The following MTMR11 variants were observed in gnomAD, a reference collection of about 807,000 sequenced individuals.
MTMR11 encodes the protein myotubularin-related protein 11.
In MTMR11, 89 loss-of-function variants were observed where a neutral mutation model predicts 100.0. The ratio of observed to expected loss-of-function variants is 0.89; its 90% CI spans 0.75 to 1.06. MTMR11 has a LOEUF of 1.06. Among genes scored for constraint, MTMR11 ranks in the 50% least tolerant of loss-of-function variants. The pLI is 0.00. For synonymous variants in MTMR11, 336 were observed against 326.3 expected, an observed-to-expected ratio of 1.03 and a Z score of -0.32; for missense variants, 809 against 873.7, an observed-to-expected ratio of 0.93 and a Z score of 0.93.
Position 149,930,530 on chromosome 1 carries a change from T to G in MTMR11, c.1482A>C (p.Gln494His), listed in dbSNP as rs587641808. 6.1e-5 allele frequency: 99 copies of G among 1,613,364 alleles called. No individual in the cohort carries two copies. In the East Asian group the frequency reaches 1.9e-3, roughly 32 times the overall value. Residue 494 changes from glutamine to histidine, a missense_variant, in exon 15 of 17, where the codon CAA (glutamine) becomes CAC (histidine). Transcript: ENST00000439741. ...GCTGGGAGTATCCTGGGGTGTAGAC[T>G]TGTGTATAGGAGTTTAACTGGACAG... ...KQSGQLNSYT[Q>H]VYTPGYSQPP... is the part of the protein sequence containing the mutation.
chr1:149,929,972 C>A, intron 15 of MTMR11, 56 bp from the exon 16 acceptor site: 1 of 1,546,014 alleles, frequency 6.5e-7, no homozygotes, highest in East Asian at 2.3e-5. Context: ...CCTAGTTTCC[C>A]CAATCTGGAT....
At chr1:149,931,220 T>C (rs782434910) in intron 13 of MTMR11, 40 bp downstream of exon 13, 8 of 1,611,434 alleles carry the variant, frequency 5.0e-6, no homozygotes, top group African/African-American at 4.0e-5. Flanking sequence ...TCTTACTTCC[T>C]TAGTAATATG....
chr1:149,932,453 C>G (rs1553767896), intron 10 of MTMR11, 123 bp from the exon 11 acceptor site: 3 of 758,738 alleles, frequency 4.0e-6, no homozygotes, highest in Non-Finnish European at 6.8e-6. Flanking sequence ...AGGATGGTTT[C>G]TAAAATTAAA....
rs782549851 is a variant in MTMR11, at chr1:149,934,477, T to C, written c.518A>G (p.Gln173Arg). The change falls in exon 6 of 17, where the codon CAG becomes CGG. Residue 173 changes from glutamine (Q) to arginine (R), a missense_variant. Transcript: ENST00000439741. ...CTTGCTCAGGGTTATCCCCGAATAC[T>C]GTTGGGCTTGATTGCTCTGAGCTCT... ...QARAQSNQAQQYSGITLSKAG... is the reference protein window; with the variant it reads ...QARAQSNQAQRYSGITLSKAG... 1 of 1,614,238 alleles carries C rather than the reference T, an allele frequency of 6.2e-7. No homozygotes were observed. Among genetic ancestry groups the C allele is most frequent in the Non-Finnish European group, 8.5e-7 (1 of 1,180,042 alleles).
At position 149,929,134 on chromosome 1, in the gene MTMR11, C is replaced by T. The variant is rs1243017101; in HGVS notation, c.2125G>A (p.Gly709Arg). 3 of 1,611,778 alleles carry T rather than the reference C, an allele frequency of 1.9e-6. No individual in the cohort carries two copies. The highest frequency in any genetic ancestry group is 2.7e-5 in the African/African-American group (2 of 74,800). Residue 709 changes from glycine (G) to arginine (R), a missense_variant, in exon 17 of 17, where the codon GGG (glycine) becomes AGG (arginine). Coordinates refer to ENST00000439741, the MANE Select transcript of MTMR11 (RefSeq NM_001145862.2). ...AGATTAGACAGAACCCTCCTCTACC[C>T]CAGATCCCCCTCTGCCCTGCCTTTG... is the stretch of plus-strand genomic sequence containing the variant. ...ILKGRAEGDLG is the reference protein window; with the variant it reads ...ILKGRAEGDLR
chr1:149,930,515 T>C lies in MTMR11; in HGVS notation c.1497A>G (p.Gly499=). 1 of 1,613,874 alleles carries C rather than the reference T, an allele frequency of 6.2e-7. No homozygotes were observed. The highest frequency in any genetic ancestry group is 8.5e-7 in the Non-Finnish European group (1 of 1,179,894). The change falls in exon 15 of 17, where the codon GGA becomes GGG. Residue 499 remains glycine (G), a synonymous_variant. Transcript: ENST00000439741. The part of the protein sequence containing the change: ...LNSYTQVYTP[G]YSQPPAGNSF... ...AGTTCCCAGCTGGAGGCTGGGAGTA[T>C]CCTGGGGTGTAGACTTGTGTATAGG...
intron 16 of MTMR11, 25 bp downstream of exon 16, chr1:149,929,598 C>T (rs1553766919): frequency 1.3e-6 from 2 of 1,594,894 alleles, no homozygotes; most frequent in South Asian, 1.1e-5. Flanking sequence ...CCTTGTCCCA[C>T]TCCCAGTCTA....
chr1:149,936,376 G>T, intron 1 of MTMR11, 147 bp from the exon 2 acceptor site: 1 of 1,473,812 alleles, frequency 6.8e-7, no homozygotes, highest in East Asian at 2.5e-5. Flanking sequence ...TAACAGGGCT[G>T]GTAAACAGTA....
chr1:149,933,918 A>G lies in MTMR11; in HGVS notation c.708T>C (p.Pro236=). 1 of 1,614,226 alleles carries G rather than the reference A, an allele frequency of 6.2e-7. No individual in the cohort carries two copies. The highest frequency in any genetic ancestry group is 8.5e-7 in the Non-Finnish European group (1 of 1,180,002). ...ATSLPRYFWV[P]NRILDSEVRR... ...TGACCTCACTGTCCAGAATTCGGTTAGGGACCCAGAAGTAACGGGGGAGGC... is the reference window on the plus strand; with the variant it reads ...TGACCTCACTGTCCAGAATTCGGTTGGGGACCCAGAAGTAACGGGGGAGGC... Residue 236 remains proline (P), a synonymous_variant, in exon 8 of 17, where the codon CCT becomes CCC. Transcript: ENST00000439741.
rs1048017195 is a variant in MTMR11, at chr1:149,933,338, G to T, written c.985+68C>A. 2.5e-6 allele frequency: 4 copies of T among 1,587,156 alleles called. No homozygotes were observed. In the Admixed American group the frequency reaches 6.9e-5, roughly 27 times the overall value. On this transcript the variant is annotated intron_variant, in intron 10 of 16. Coordinates refer to ENST00000439741, the MANE Select transcript of MTMR11 (RefSeq NM_001145862.2). ...GCTACTCATCTACAGCAAGCAAAGG[G>T]TAAACCAGGTTAGGCTCAGCAGACC... is the stretch of plus-strand genomic sequence containing the variant.
Position 149,929,704 on chromosome 1 carries a change from T to G in MTMR11, c.1860A>C (p.Pro620=), listed in dbSNP as rs2092630535. 9 of 1,614,062 alleles carry G rather than the reference T, an allele frequency of 5.6e-6. No homozygotes were observed. The highest frequency in any genetic ancestry group is 7.6e-6 in the Non-Finnish European group (9 of 1,180,002). The part of the protein sequence containing the change: ...PSHWGACPLP[P]GLLLPGYLGP... ...CCAGATACCCAGGCAGCAGCAGCCC[T>G]GGAGGTAAAGGGCAAGCTCCCCAAT... Residue 620 remains proline (P), a synonymous_variant, in exon 16 of 17, where the codon CCA becomes CCC. Coordinates refer to ENST00000439741, the MANE Select transcript of MTMR11 (RefSeq NM_001145862.2).
At chr1:149,933,152 C>T (rs1454765522) in intron 10 of MTMR11, among the ~76,000 whole-genome samples, 1 of 151,918 alleles carries the variant, frequency 6.6e-6, no homozygotes, top group Non-Finnish European at 1.5e-5. Flanking sequence ...AACGGGGTTT[C>T]ACCATGTTGG....
At position 149,930,586 on chromosome 1, in the gene MTMR11, A is replaced by G. The variant is rs368473798; in HGVS notation, c.1465-39T>C. On this transcript the variant is annotated intron_variant, in intron 14 of 16. Transcript: ENST00000439741. ...GCAAGAAAAAGGATGGTTACACACA[A>G]TCCTCCCACATCTAGAGACAAATCA... 6.3e-5 allele frequency: 96 copies of G among 1,533,870 alleles called. 1 individual carries two copies. The highest frequency in any genetic ancestry group is 4.3e-4 in the Middle Eastern group (2 of 4,604).
intron 7 of MTMR11, 118 bp from the exon 8 acceptor site, chr1:149,934,060 T>G: frequency 6.5e-7 from 1 of 1,547,896 alleles, no homozygotes; most frequent in Non-Finnish European, 8.9e-7. Context: ...TTTAGGGATC[T>G]AGGAGGCAAG....
In MTMR11 at chr1:149,935,652, A is replaced by G. The variant is rs782554446; in HGVS notation, c.196T>C (p.Leu66=). ...PGVRKGLEPE[L]SGTLICTNFR... ...TTGGTACAGATCAGGGTTCCAGACA[A>G]TTCTGGTTCCAGGCCCTTCCTCACC... is the stretch of plus-strand genomic sequence containing the variant. Residue 66 remains leucine (L), a synonymous_variant, in exon 3 of 17, where the codon TTG becomes CTG. Coordinates refer to ENST00000439741, the MANE Select transcript of MTMR11 (RefSeq NM_001145862.2). 5.6e-6 allele frequency: 9 copies of G among 1,613,900 alleles called. No homozygotes were observed. Among genetic ancestry groups the G allele is most frequent in the African/African-American group, 5.3e-5 (4 of 74,900 alleles).
intron 8 of MTMR11, 64 bp downstream of exon 8, chr1:149,933,791 C>T: frequency 6.2e-7 from 1 of 1,606,398 alleles, no homozygotes. Flanking sequence ...GTTCCTCCCT[C>T]CACGATGTCC....
At chr1:149,936,324 T>C in intron 1 of MTMR11, 95 bp from the exon 2 acceptor site, 1 of 1,552,394 alleles carries the variant, frequency 6.4e-7, no homozygotes, top group Non-Finnish European at 8.7e-7. Flanking sequence ...ACTCACACTC[T>C]CGGGGGAAAC....
In MTMR11 at chr1:149,933,676, C is replaced by T. The variant is rs373812041; in HGVS notation, c.794G>A (p.Gly265Glu). The T allele has an allele frequency of 5.6e-6, 9 of 1,614,056 alleles. No homozygotes were observed. Among genetic ancestry groups the T allele is most frequent in the Admixed American group, 3.3e-5 (2 of 60,004 alleles). The change falls in exon 9 of 17, where the codon GGG becomes GAG. Residue 265 changes from glycine (G) to glutamate (E), a missense_variant. Coordinates refer to ENST00000439741, the MANE Select transcript of MTMR11 (RefSeq NM_001145862.2). ...RGPRLSWHHP[G>E]GSDLLRCGGF... ...TCCACAGCGGAGAAGATCACTGCCC[C>T]CAGGGTGATGCCAGGACAAGCGCTT...
rs1358095634 is a variant in MTMR11, at chr1:149,931,357, C to T, written c.1193G>A (p.Arg398Gln). The T allele has an allele frequency of 3.7e-6, 6 of 1,613,882 alleles. No homozygotes were observed. The highest frequency in any genetic ancestry group is 2.2e-5 in the East Asian group (1 of 44,866). ...LVQLLSAPEA[R>Q]TLFGFQSLVQ... ...TAGTGATTGGAAGCCAAACAGTGTT[C>T]GGGCTTCGGGGGCTGAAAGCAGCTG... Residue 398 changes from arginine to glutamine, a missense_variant, in exon 13 of 17, where the codon CGA (arginine) becomes CAA (glutamine). Physicochemically the swap from Arg to Gln is conservative, Grantham distance 43 (BLOSUM62 1). Transcript: ENST00000439741.
Sources: gnomAD v4.1 joint callset for allele counts (sites outside exome capture counted in the v4.1 genomes callset) on GRCh38, gnomAD v4.1.1 for gene constraint, MANE v1.5 for transcripts, NCBI Gene and HGNC (gene_info 2026-07-23, HGNC 2026-07-21) for gene names.